Variants in CTNNA3 observed in about 807,000 individuals in gnomAD.
CTNNA3 encodes catenin alpha 3, also known as catenin alpha-3.
CTNNA3 carries 76 observed loss-of-function variants against 95.7 expected under a neutral mutation model. The ratio of observed to expected loss-of-function variants is 0.79; its 90% CI spans 0.66 to 0.96. The LOEUF (loss-of-function observed/expected upper bound fraction) is 0.96. CTNNA3 is among the 40% of genes least tolerant of loss of function. The probability of loss-of-function intolerance (pLI) is 0.00; values close to 1 mark genes in which losing one functional copy is unlikely to be tolerated. For synonymous variants in CTNNA3, 431 were observed against 374.4 expected (o/e 1.15, Z -1.74); for missense variants, 1,191 against 1,089.8 (o/e 1.09, Z -1.31).
intron 14 of CTNNA3, chr10:66,078,836 G>C (rs571972551): frequency 6.6e-6 from 1 of 151,966 alleles, no homozygotes; most frequent in East Asian, 1.9e-4. Context: ...TAAAGGCTGT[G>C]AGGAAATCAA....
At position 66,374,375 on chromosome 10, in the gene CTNNA3, T is replaced by C. The variant is rs142077771; in HGVS notation, c.1732+4777A>G. ...GTGGCATTTGAGAAAGTGTTTAGAATGATTATATTTTAAGAGGGCAGTAGA... is the reference window on the plus strand; with the variant it reads ...GTGGCATTTGAGAAAGTGTTTAGAACGATTATATTTTAAGAGGGCAGTAGA... On this transcript the variant is annotated intron_variant, in intron 12 of 17. Coordinates refer to ENST00000433211, the MANE Select transcript of CTNNA3 (RefSeq NM_013266.4). Among the ~76,000 whole-genome samples, 5 of 152,254 alleles carry C rather than the reference T, an allele frequency of 3.3e-5. No individual in the cohort carries two copies. The East Asian group carries it at 9.7e-4, about 29-fold the overall frequency.
At chr10:65,976,240 T>C (rs2078205663) in intron 16 of CTNNA3, among the ~76,000 whole-genome samples, 1 of 152,176 alleles carries the variant, frequency 6.6e-6, no homozygotes, top group African/African-American at 2.4e-5. Flanking sequence ...TGGTTTCTTA[T>C]TGATAATCTT....
At chr10:67,126,101 T>G (rs1859709187) in intron 7 of CTNNA3, among the ~76,000 whole-genome samples, 1 of 152,292 alleles carries the variant, frequency 6.6e-6, no homozygotes, top group African/African-American at 2.4e-5. Flanking sequence ...TAAAAGACAT[T>G]GTGGAAAAGA....
At chr10:66,795,295 T>G (rs1841143727) in intron 7 of CTNNA3, among the ~76,000 whole-genome samples, 1 of 152,162 alleles carries the variant, frequency 6.6e-6, no homozygotes, top group African/African-American at 2.4e-5. Flanking sequence ...ATCCATGGGT[T>G]ACAGAATGGA....
At chr10:66,376,766 A>C (rs1017835120) in intron 12 of CTNNA3, among the ~76,000 whole-genome samples, 1 of 152,190 alleles carries the variant, frequency 6.6e-6, no homozygotes, top group East Asian at 1.9e-4. Flanking sequence ...AAGACAGTCC[A>C]CAGATATTAC....
At chr10:67,659,727 T>G (rs1431874279) in intron 1 of CTNNA3, among the ~76,000 whole-genome samples, 1 of 152,208 alleles carries the variant, frequency 6.6e-6, no homozygotes, top group Non-Finnish European at 1.5e-5. Context: ...ACATACACTT[T>G]GAAAGTGACA....
At chr10:67,586,503 A>C (rs750444648) in intron 3 of CTNNA3, among the ~76,000 whole-genome samples, 2 of 152,116 alleles carry the variant, frequency 1.3e-5, no homozygotes, top group African/African-American at 2.4e-5. Flanking sequence ...GATTGGATGC[A>C]TGTATTTAGA....
intron 5 of CTNNA3, among the ~76,000 whole-genome samples, chr10:67,336,951 G>A (rs902976916): frequency 5.3e-5 from 8 of 152,126 alleles, no homozygotes; most frequent in Non-Finnish European, 7.3e-5. Context: ...GGTCACCCAA[G>A]AGCTCTGATA....
intron 10 of CTNNA3, among the ~76,000 whole-genome samples, chr10:66,620,939 T>A (rs1009127469): frequency 6.6e-6 from 1 of 152,150 alleles, no homozygotes; most frequent in Admixed American, 6.5e-5. Flanking sequence ...TTAGGAAGTA[T>A]CCGTATTATA....
At chr10:67,083,261 C>T (rs1857138935) in intron 7 of CTNNA3, among the ~76,000 whole-genome samples, 1 of 152,058 alleles carries the variant, frequency 6.6e-6, no homozygotes, top group Admixed American at 6.5e-5. Flanking sequence ...CACCATAACA[C>T]AAATATAAGC....
chr10:66,308,266 T>C (rs1564854911), intron 12 of CTNNA3, among the ~76,000 whole-genome samples: 1 of 152,236 alleles, frequency 6.6e-6, no homozygotes, highest in Non-Finnish European at 1.5e-5. Flanking sequence ...ATATACATTG[T>C]TTGATATAAT....
At chr10:66,828,281 A>G (rs910359196) in intron 7 of CTNNA3, among the ~76,000 whole-genome samples, 1 of 152,244 alleles carries the variant, frequency 6.6e-6, no homozygotes, top group African/African-American at 2.4e-5. Flanking sequence ...CAGACTCAGC[A>G]TAGGGTTTCA....
chr10:66,165,579 C>T (rs925007425), intron 13 of CTNNA3, among the ~76,000 whole-genome samples: 32 of 151,898 alleles, frequency 2.1e-4, no homozygotes, highest in African/African-American at 7.5e-4. Context: ...TAATGCCAGT[C>T]TTCTCAAAAG....
intron 12 of CTNNA3, among the ~76,000 whole-genome samples, chr10:66,281,781 A>T (rs2091496545): frequency 6.6e-6 from 1 of 151,690 alleles, no homozygotes; most frequent in East Asian, 1.9e-4. Context: ...TGATATGAGG[A>T]AATTTTGATG....
chr10:66,226,580 T>G (rs1346569650), intron 13 of CTNNA3, among the ~76,000 whole-genome samples: 1 of 151,720 alleles, frequency 6.6e-6, no homozygotes, highest in Non-Finnish European at 1.5e-5. Context: ...TTTTCCTTTT[T>G]TTTTTTTTGA....
chr10:67,240,985 C>T (rs930621112), intron 5 of CTNNA3, among the ~76,000 whole-genome samples: 5 of 152,042 alleles, frequency 3.3e-5, no homozygotes, highest in Admixed American at 6.5e-5. Flanking sequence ...AGCCATCTGC[C>T]GCATGATTAA....
intron 7 of CTNNA3, among the ~76,000 whole-genome samples, chr10:66,932,126 C>G (rs1847434956): frequency 6.6e-6 from 1 of 152,076 alleles, no homozygotes; most frequent in Non-Finnish European, 1.5e-5. Context: ...CCTTTTCAGC[C>G]AGCTGAACAC....
At chr10:67,494,685 T>C (rs1211208973) in intron 5 of CTNNA3, among the ~76,000 whole-genome samples, 2 of 152,248 alleles carry the variant, frequency 1.3e-5, no homozygotes, top group Admixed American at 1.3e-4. Flanking sequence ...AGGGATTAAA[T>C]ATTTTCCATT....
chr10:67,320,804 T>C (rs767290966), intron 5 of CTNNA3, among the ~76,000 whole-genome samples: 10 of 152,166 alleles, frequency 6.6e-5, no homozygotes, highest in Non-Finnish European at 1.2e-4. Flanking sequence ...ATTACAGAAT[T>C]TGGGGGAGAT....
Sources: allele counts gnomAD v4.1 joint callset (sites outside exome capture counted in the v4.1 genomes callset), GRCh38; gene constraint gnomAD v4.1.1; transcripts MANE v1.5; gene names NCBI Gene and HGNC (gene_info 2026-07-23, HGNC 2026-07-21).